Variants in SLC4A8 observed in about 807,000 individuals in gnomAD.
The protein encoded by SLC4A8 is electroneutral sodium bicarbonate exchanger 1.
A neutral mutation model predicts 125.0 loss-of-function variants in SLC4A8; 40 were observed. That is an observed-to-expected ratio of 0.32 (90% CI 0.25 to 0.42). The LOEUF (loss-of-function observed/expected upper bound fraction) is 0.42. Ranked by LOEUF, SLC4A8 falls within the 10% of genes least tolerant of loss-of-function variation. The probability of loss-of-function intolerance (pLI) is 1.00; values close to 1 mark genes in which losing one functional copy is unlikely to be tolerated. For missense variants in SLC4A8, 863 were observed against 1,355.1 expected, an observed-to-expected ratio of 0.64 and a Z score of 5.70; for synonymous variants, 456 against 476.0, an observed-to-expected ratio of 0.96 and a Z score of 0.55.
At chr12:51,409,676 A>G (rs1036112738) in intron 1 of SLC4A8, among the ~76,000 whole-genome samples, 1 of 152,162 alleles carries the variant, frequency 6.6e-6, no homozygotes, top group African/African-American at 2.4e-5. Context: ...CAGCCTCCCT[A>G]GTAGCTGGGA....
chr12:51,496,514 A>G (rs1167429378), intron 21 of SLC4A8, among the ~76,000 whole-genome samples: 3 of 152,214 alleles, frequency 2.0e-5, no homozygotes, highest in Admixed American at 2.0e-4. Flanking sequence ...ACCACTAGAG[A>G]CAAATGATGC....
At position 51,504,056 on chromosome 12, in the gene SLC4A8, G is replaced by A; in HGVS notation, c.3109G>A (p.Gly1037Arg). 6 of 1,585,954 alleles carry A rather than the reference G, an allele frequency of 3.8e-6. No homozygotes were observed. Among genetic ancestry groups the A allele is most frequent in the Non-Finnish European group, 5.2e-6 (6 of 1,164,166 alleles). ...GGCTGAGAAAATGTTAGAAATTGGG[G>A]GAGACAAGTTTCCCTTAGAGAGCAG... ...EEAEKMLEIG[G>R]DKFPLESRKL... is the part of the protein sequence containing the mutation. Residue 1037 changes from glycine (G) to arginine (R), a missense_variant, in exon 23 of 25, where the codon GGA becomes AGA. By Grantham distance (125) the Gly-to-Arg change is moderately radical. Transcript: ENST00000453097.
At chr12:51,457,320 C>G (rs766865643) in intron 5 of SLC4A8, 31 bp from the exon 6 acceptor site, 3 of 1,595,250 alleles carry the variant, frequency 1.9e-6, no homozygotes, top group Non-Finnish European at 1.7e-6. Flanking sequence ...AACCCTCAAT[C>G]TGAGTGTTCA....
In SLC4A8 at chr12:51,507,376, G is replaced by A. The variant is rs1213628761; in HGVS notation, c.3270-50G>A. 4.0e-6 allele frequency: 5 copies of A among 1,235,032 alleles called. No individual in the cohort carries two copies. The African/African-American group carries it at 7.7e-5, about 19-fold the overall frequency. 76.5% of individuals were successfully genotyped at this position (1,235,032 alleles called of 1,614,324 possible). On this transcript the variant is annotated intron_variant, in intron 24 of 24. Transcript: ENST00000453097. ...TCTTCAAAGTATTGTGTTAAAAGGA[G>A]GAATGAATCATATGTTCCCTTTTTG...
chr12:51,469,221 G>A (rs961511852), intron 11 of SLC4A8: 5 of 158,306 alleles, frequency 3.2e-5, no homozygotes, highest in Non-Finnish European at 5.6e-5. Context: ...ATGTGATAGG[G>A]GCTTTTTTAT....
At chr12:51,452,339 G>GT in intron 4 of SLC4A8, 80 bp downstream of exon 4, 1 of 1,493,736 alleles carries the variant, frequency 6.7e-7, no homozygotes, top group Non-Finnish European at 9.3e-7. Flanking sequence ...AGGCCTGCCT[G>GT]CCTTATTTCT....
At chr12:51,446,413 A>G (rs1949774807) in intron 2 of SLC4A8, among the ~76,000 whole-genome samples, 1 of 152,258 alleles carries the variant, frequency 6.6e-6, no homozygotes, top group African/African-American at 2.4e-5. Context: ...TTTGGAAAAC[A>G]GAGAGGGCAA....
intron 1 of SLC4A8, among the ~76,000 whole-genome samples, chr12:51,413,230 T>C (rs975602424): frequency 6.6e-6 from 1 of 152,242 alleles, no homozygotes; most frequent in Admixed American, 6.5e-5. Flanking sequence ...TTGAGAAATA[T>C]CTACTCAGAT....
At chr12:51,451,146 T>TTC in intron 3 of SLC4A8, 124 bp downstream of exon 3, 2 of 911,788 alleles carry the variant, frequency 2.2e-6, no homozygotes, top group Non-Finnish European at 3.0e-6. Flanking sequence ...TTTCCAAAGC[T>TTC]TGCTTCTAAG....
At chr12:51,463,264 C>A (rs537744854) in intron 10 of SLC4A8, among the ~76,000 whole-genome samples, 1 of 152,176 alleles carries the variant, frequency 6.6e-6, no homozygotes, top group South Asian at 2.1e-4. Flanking sequence ...TCTTCTAGGG[C>A]AAGATTTTAA....
chr12:51,447,137 A>G (rs1330970024), intron 2 of SLC4A8, among the ~76,000 whole-genome samples: 6 of 150,500 alleles, frequency 4.0e-5, no homozygotes, highest in Admixed American at 4.0e-4. Flanking sequence ...TGCGGTGGTA[A>G]TGATCATAGC....
chr12:51,432,368 G>A (rs1472856520), intron 1 of SLC4A8, among the ~76,000 whole-genome samples: 25 of 140,500 alleles, frequency 1.8e-4, no homozygotes, highest in African/African-American at 4.8e-4. Context: ...CCAAGATGGC[G>A]CCACTGCACT....
rs769118043 is a variant in SLC4A8, at chr12:51,504,051, T to C, written c.3104T>C (p.Ile1035Thr). ...EEEEAEKMLE[I>T]GGDKFPLESR... is the part of the protein sequence containing the mutation. Reference sequence around the variant, plus strand: ...CAGGAGGCTGAGAAAATGTTAGAAATTGGGGGAGACAAGTTTCCCTTAGAG... The same window carrying C: ...CAGGAGGCTGAGAAAATGTTAGAAACTGGGGGAGACAAGTTTCCCTTAGAG... Residue 1035 changes from isoleucine (I) to threonine (T), a missense_variant, in exon 23 of 25, where the codon ATT becomes ACT. Transcript: ENST00000453097. 1.0e-5 allele frequency: 16 copies of C among 1,583,396 alleles called. 1 individual carries two copies. Among genetic ancestry groups the C allele is most frequent in the South Asian group, 8.1e-5 (7 of 86,206 alleles).
chr12:51,505,013 G>A (rs1483420740), intron 23 of SLC4A8, among the ~76,000 whole-genome samples: 1 of 152,210 alleles, frequency 6.6e-6, no homozygotes, highest in Non-Finnish European at 1.5e-5. Context: ...AGAATTTACT[G>A]CTGCATCACT....
chr12:51,497,249 C>G, intron 22 of SLC4A8, 125 bp downstream of exon 22: 2 of 1,036,026 alleles, frequency 1.9e-6, no homozygotes, highest in Non-Finnish European at 2.8e-6. Flanking sequence ...AAGATTACCC[C>G]CAAAGATGTT....
At chr12:51,499,879 C>T (rs1937774425) in intron 22 of SLC4A8, among the ~76,000 whole-genome samples, 1 of 152,052 alleles carries the variant, frequency 6.6e-6, no homozygotes, top group African/African-American at 2.4e-5. Context: ...GTTTGAGGAA[C>T]ACCAAGAAAG....
At chr12:51,424,826 G>A (rs7305886), upstream of SLC4A8, 3,284 of 674,130 alleles carry the variant, frequency 4.9e-3, 78 homozygotes, top group African/African-American at 0.055. Flanking sequence ...TGCGGCGGAT[G>A]CCTCGCGGGC....
intron 2 of SLC4A8, among the ~76,000 whole-genome samples, chr12:51,443,062 A>G (rs952405855): frequency 6.6e-5 from 10 of 152,178 alleles, no homozygotes; most frequent in Admixed American, 5.2e-4. Context: ...TCATTGCCTT[A>G]CCACATTTTA....
In SLC4A8 at chr12:51,452,109, T is replaced by C; in HGVS notation, c.278-15T>C. The C allele has an allele frequency of 2.5e-6, 4 of 1,614,124 alleles. No individual in the cohort carries two copies. The highest frequency in any genetic ancestry group is 3.3e-4 in the Middle Eastern group (2 of 6,062). On this transcript the variant is annotated splice_polypyrimidine_tract_variant and intron_variant, in intron 3 of 24. Transcript: ENST00000453097. ...TGAGGCTAGAGCAGACCTTTCTCTT[T>C]GGTTGATTTCCTAGACACACCATCT... is the stretch of plus-strand genomic sequence containing the variant.
Sources: allele counts gnomAD v4.1 joint callset (sites outside exome capture counted in the v4.1 genomes callset), GRCh38; gene constraint gnomAD v4.1.1; transcripts MANE v1.5; gene names NCBI Gene and HGNC (gene_info 2026-07-23, HGNC 2026-07-21).